Variants in SBK1 observed in about 807,000 individuals in gnomAD.
SBK1 encodes SH3 domain binding kinase 1, also known as serine/threonine-protein kinase SBK1.
SBK1 carries 11 observed loss-of-function variants against 24.4 expected under a neutral mutation model. The observed-to-expected ratio is 0.45, with a 90% CI of 0.28 to 0.75. SBK1 has a LOEUF of 0.75. Among genes scored for constraint, SBK1 ranks in the 30% least tolerant of loss-of-function variants. The pLI is 0.12. For missense variants in SBK1, 467 were observed against 620.5 expected (o/e 0.75, Z 2.63); for synonymous variants, 308 against 284.4 (o/e 1.08, Z -0.83).
intron 1 of SBK1, among the ~76,000 whole-genome samples, chr16:28,270,077 T>C (rs2044455248): frequency 6.6e-6 from 1 of 151,990 alleles, no homozygotes; most frequent in Admixed American, 6.6e-5. Context: ...TTTGTTTTTG[T>C]TTTTTTGAGA....
rs747051898 is a variant in SBK1, at chr16:28,320,270, G to C, written c.624G>C (p.Val208=). The change falls in exon 4 of 4, where the codon GTG becomes GTC. Residue 208 remains valine, a synonymous_variant. Transcript: ENST00000341901. This position sits in a 1 kb window ranked among gnomAD's most constrained non-coding sequence, Gnocchi z 8.5. ...GCGTGGGCTGCCGCGTCAAGCGCGTGAGCGGCACCATCCCTTACACGGCGC... is the reference window on the plus strand; with the variant it reads ...GCGTGGGCTGCCGCGTCAAGCGCGTCAGCGGCACCATCCCTTACACGGCGC... ...TRRVGCRVKR[V]SGTIPYTAPE... The C allele has an allele frequency of 3.1e-6, 5 of 1,590,182 alleles. No homozygotes were observed. Among genetic ancestry groups the C allele is most frequent in the Admixed American group, 1.7e-5 (1 of 59,040 alleles).
intron 1 of SBK1, among the ~76,000 whole-genome samples, chr16:28,313,837 G>A (rs1174814253): frequency 2.0e-5 from 3 of 152,074 alleles, no homozygotes; most frequent in East Asian, 1.9e-4. Flanking sequence ...GGGTCGTGCC[G>A]AGAGTGAAGG....
At chr16:28,273,524 A>G (rs1352171279) in intron 1 of SBK1, among the ~76,000 whole-genome samples, 1 of 151,036 alleles carries the variant, frequency 6.6e-6, no homozygotes. Flanking sequence ...ATGCCCGGCC[A>G]TAGGTTGTCT....
chr16:28,310,430 G>T (rs536273891), intron 1 of SBK1, among the ~76,000 whole-genome samples: 2 of 152,308 alleles, frequency 1.3e-5, no homozygotes, highest in East Asian at 3.9e-4. Flanking sequence ...TCCCCACCTG[G>T]CTGGGGAATC....
upstream of SBK1, among the ~76,000 whole-genome samples, chr16:28,288,442 C>T (rs531822283): frequency 1.4e-4 from 22 of 152,320 alleles, 1 homozygote; most frequent in African/African-American, 5.0e-4. Context: ...GTGAGCCTCT[C>T]TTTCTATGGG....
chr16:28,320,023 G>T lies in SBK1; in HGVS notation c.430-53G>T, dbSNP rs1327763416. Reference sequence around the variant, plus strand: ...AGAGGGAGCTGGAGGGGAGGGCGGCGGGGCGGGCGCTGGAGAGCTGGAAAC... The same window carrying T: ...AGAGGGAGCTGGAGGGGAGGGCGGCTGGGCGGGCGCTGGAGAGCTGGAAAC... On this transcript the variant is annotated intron_variant, in intron 3 of 3. Coordinates refer to ENST00000341901, the MANE Select transcript of SBK1 (RefSeq NM_001024401.3). The surrounding 1 kb of genome is among the most constrained non-coding windows in gnomAD (Gnocchi z 8.5). The T allele has an allele frequency of 9.9e-6, 14 of 1,417,398 alleles. 1 individual carries two copies. In the South Asian group the frequency reaches 2.1e-4, roughly 22 times the overall value. 87.8% of individuals were successfully genotyped at this position (1,417,398 alleles called of 1,614,324 possible). A position where few individuals can be genotyped will look rare whatever the true frequency, so the allele number is the denominator to read the frequency against.
chr16:28,309,848 C>T (rs925260836), intron 1 of SBK1, among the ~76,000 whole-genome samples: 26 of 152,266 alleles, frequency 1.7e-4, no homozygotes, highest in African/African-American at 6.0e-4. Flanking sequence ...ACACGTGTGT[C>T]TGTGTGTGTG....
At chr16:28,312,078 C>T (rs1462820413) in intron 1 of SBK1, among the ~76,000 whole-genome samples, 1 of 152,372 alleles carries the variant, frequency 6.6e-6, no homozygotes, top group Admixed American at 6.5e-5. Flanking sequence ...GGACCGCCCA[C>T]CTCAGCAGCC....
At chr16:28,283,917 A>AG (rs2141569649) in intron 1 of SBK1, among the ~76,000 whole-genome samples, 1 of 151,868 alleles carries the variant, frequency 6.6e-6, no homozygotes, top group Admixed American at 6.6e-5. Flanking sequence ...GCTGGCATCC[A>AG]GAGTGCTGCC....
Position 28,292,960 on chromosome 16 carries a change from G to A in SBK1, c.-348G>A. The A allele has an allele frequency of 1.0e-6, 1 of 980,840 alleles. No individual in the cohort carries two copies. Among genetic ancestry groups the A allele is most frequent in the Non-Finnish European group, 1.2e-6 (1 of 826,022 alleles). The allele number at this position is 980,840 out of a possible 1,614,324, so 60.8% of individuals were successfully genotyped here. ...AACGCAGTGCCCCCAGGCCGGGATT[G>A]CGAGAACCCCCTCCCAAGATCCGGT... On this transcript the variant is annotated 5_prime_UTR_variant, in exon 1 of 4. Transcript: ENST00000341901.
chr16:28,296,250 T>C (rs1385297166), intron 1 of SBK1, among the ~76,000 whole-genome samples: 4 of 152,054 alleles, frequency 2.6e-5, no homozygotes, highest in African/African-American at 9.6e-5. Flanking sequence ...CCCGCCACCA[T>C]GCCTGGCTAA....
At chr16:28,306,644 G>A (rs1044145521) in intron 1 of SBK1, among the ~76,000 whole-genome samples, 9 of 152,130 alleles carry the variant, frequency 5.9e-5, no homozygotes, top group South Asian at 4.1e-4. Context: ...GGATCTGGGC[G>A]GCTTCCTAAA....
chr16:28,316,623 G>T (rs1355134634), intron 1 of SBK1, among the ~76,000 whole-genome samples: 1 of 151,916 alleles, frequency 6.6e-6, no homozygotes, highest in Non-Finnish European at 1.5e-5. Context: ...TAAAAATTAG[G>T]CATGATAGGT....
chr16:28,272,117 A>G (rs4788056), intron 1 of SBK1, among the ~76,000 whole-genome samples: 67,086 of 152,070 alleles, frequency 0.44, 14,917 homozygotes, highest in Admixed American at 0.49. Context: ...TTACTCTGTT[A>G]CTGAGGCTGG....
chr16:28,318,828 T>C (rs1211574482), intron 2 of SBK1, among the ~76,000 whole-genome samples, 167 bp from the exon 3 acceptor site: 7 of 152,170 alleles, frequency 4.6e-5, no homozygotes, highest in Non-Finnish European at 8.8e-5. Flanking sequence ...CTGCATGGCC[T>C]TGGGCAAGTC....
Position 28,320,834 on chromosome 16 carries a change from C to T in SBK1, c.1188C>T (p.Pro396=), listed in dbSNP as rs1383274643. Residue 396 remains proline, a synonymous_variant, in exon 4 of 4, where the codon CCC becomes CCT. Coordinates refer to ENST00000341901, the MANE Select transcript of SBK1 (RefSeq NM_001024401.3). The surrounding 1 kb of genome is among the most constrained non-coding windows in gnomAD (Gnocchi z 8.5). ...CTGTGCCCGAGCCCGGCCTAGCTCC[C>T]CAGGGGCCCCCCGGCCGGACCGACG... ...PVPVPEPGLA[P]QGPPGRTDGR... 4 of 1,465,962 alleles carry T rather than the reference C, an allele frequency of 2.7e-6. No individual in the cohort carries two copies. In the Admixed American group the frequency reaches 6.5e-5, roughly 24 times the overall value. The allele number at this position is 1,465,962 out of a possible 1,614,324, so 90.8% of individuals were successfully genotyped here. A position where few individuals can be genotyped will look rare whatever the true frequency, so the allele number is the denominator to read the frequency against.
intron 1 of SBK1, among the ~76,000 whole-genome samples, chr16:28,295,094 A>G (rs1043109330): frequency 6.6e-5 from 10 of 152,170 alleles, no homozygotes; most frequent in African/African-American, 2.4e-4. Context: ...GCTTTGTCAC[A>G]CACCCCACAG....
rs1238392589 is a variant in SBK1 at position 28,292,684 on chromosome 16, T to C, written c.-624T>C. 2.3e-5 allele frequency: 23 copies of C among 982,948 alleles called. No individual in the cohort carries two copies. In the East Asian group the frequency reaches 9.4e-4, roughly 40 times the overall value. 60.9% of individuals were successfully genotyped at this position (982,948 alleles called of 1,614,324 possible). ...GGCGGCGACCGAGCCCCCCAGCGGC[T>C]GAGGGGCTTCCAGCGCCCGCCGGTG... is the stretch of plus-strand genomic sequence containing the variant. On this transcript the variant is annotated 5_prime_UTR_variant, in exon 1 of 4. The change abolishes the stop of an existing upstream ORF in the 5' untranslated region. Transcript: ENST00000341901.
At chr16:28,260,716 A>C (rs984395397) in intron 1 of SBK1, among the ~76,000 whole-genome samples, 1 of 152,174 alleles carries the variant, frequency 6.6e-6, no homozygotes, top group Admixed American at 6.5e-5. Flanking sequence ...ACAGACTGCC[A>C]GGGCCTGGGC....
Sources: gnomAD v4.1 joint callset for allele counts (sites outside exome capture counted in the v4.1 genomes callset) on GRCh38, gnomAD v4.1.1 for gene constraint, Gnocchi (gnomAD v3.1) non-coding constraint, MANE v1.5 for transcripts, NCBI Gene and HGNC (gene_info 2026-07-23, HGNC 2026-07-21) for gene names.